CNTLN: variants seen among roughly 807,000 people sequenced by gnomAD.
CNTLN encodes centlein, centrosomal protein.
In CNTLN, 212 loss-of-function variants were observed where a neutral mutation model predicts 180.0. The ratio of observed to expected loss-of-function variants is 1.18; its 90% confidence interval spans 1.05 to 1.32. The LOEUF (loss-of-function observed/expected upper bound fraction) is 1.32. CNTLN is among the 40% of genes most tolerant of loss of function. CNTLN has a pLI of 0.00. For missense variants in CNTLN, 2,095 were observed against 1,610.9 expected, an observed-to-expected ratio of 1.30 and a Z score of -5.14; for synonymous variants, 722 against 563.1, an observed-to-expected ratio of 1.28 and a Z score of -3.99.
chr9:17,505,545 G>A (rs903941172), downstream of CNTLN, among the ~76,000 whole-genome samples: 9 of 151,952 alleles, frequency 5.9e-5, no homozygotes, highest in Non-Finnish European at 8.8e-5. Flanking sequence ...ACAATTTCCC[G>A]AAAAAGAGAA....
intron 2 of CNTLN, among the ~76,000 whole-genome samples, chr9:17,223,580 A>C (rs1297889523): frequency 6.6e-6 from 1 of 152,006 alleles, no homozygotes; most frequent in Admixed American, 6.6e-5. Context: ...TACCTTAAAA[A>C]TATCCAAAAT....
At chr9:17,477,129 T>C (rs1188455780) in intron 23 of CNTLN, among the ~76,000 whole-genome samples, 1 of 152,168 alleles carries the variant, frequency 6.6e-6, no homozygotes, top group East Asian at 1.9e-4. Flanking sequence ...TGACAACACA[T>C]GTATTTACAG....
chr9:17,434,889 C>T (rs901988754), intron 18 of CNTLN, among the ~76,000 whole-genome samples: 5 of 151,790 alleles, frequency 3.3e-5, no homozygotes, highest in African/African-American at 1.2e-4. Flanking sequence ...CTTTTGGCCT[C>T]CATAGTTTCA....
rs961181450 is a variant in CNTLN, at chr9:17,341,478, A to C, written c.1766+530A>C. ...GTGAATGAATTGGCGGTCTCAGTTC[A>C]ATTGCTCTGAACAGGTGTTCAGATC... On this transcript the variant is annotated intron_variant, in intron 11 of 25. Transcript: ENST00000380647. 2.6e-5 allele frequency among the ~76,000 whole-genome samples: 4 copies of C among 152,240 alleles called. No homozygotes were observed. The East Asian group carries it at 7.7e-4, about 29-fold the overall frequency.
chr9:17,440,151 T>G (rs1030438721), intron 18 of CNTLN, among the ~76,000 whole-genome samples: 3 of 152,152 alleles, frequency 2.0e-5, no homozygotes, highest in African/African-American at 7.2e-5. Flanking sequence ...AATTGTAACC[T>G]TCATACAATG....
intron 2 of CNTLN, among the ~76,000 whole-genome samples, chr9:17,186,564 A>G (rs529207106): frequency 1.3e-5 from 2 of 152,284 alleles, no homozygotes; most frequent in African/African-American, 2.4e-5. Context: ...GTTTAATAGT[A>G]GGTGCTCACT....
the CNTLN span, among the ~76,000 whole-genome samples, chr9:17,517,910 CT>C: frequency 1.7e-4 from 26 of 151,914 alleles, no homozygotes; most frequent in African/African-American, 6.3e-4. Flanking sequence ...GAACTCAGGC[CT>C]TCCGACTCTG....
chr9:17,351,698 A>C (rs1359969131), intron 12 of CNTLN, among the ~76,000 whole-genome samples: 1 of 152,174 alleles, frequency 6.6e-6, no homozygotes, highest in Non-Finnish European at 1.5e-5. Flanking sequence ...AGTCAACTAG[A>C]ATAAACTCAT....
At chr9:17,384,188 G>A (rs1825495577) in intron 13 of CNTLN, among the ~76,000 whole-genome samples, 1 of 151,758 alleles carries the variant, frequency 6.6e-6, no homozygotes, top group African/African-American at 2.4e-5. Flanking sequence ...GATTCATCCA[G>A]CGAGCTAATA....
chr9:17,268,355 T>C (rs980886899), intron 5 of CNTLN, among the ~76,000 whole-genome samples: 3 of 152,136 alleles, frequency 2.0e-5, no homozygotes, highest in African/African-American at 7.2e-5. Flanking sequence ...ATAGCGGATA[T>C]TGGTGACCCG....
chr9:17,373,911 A>G (rs955072963), intron 13 of CNTLN, among the ~76,000 whole-genome samples: 2 of 152,210 alleles, frequency 1.3e-5, no homozygotes, highest in South Asian at 4.1e-4. Flanking sequence ...CAAGATATTC[A>G]TATGCGTAAG....
At chr9:17,204,389 T>C (rs941625679) in intron 2 of CNTLN, among the ~76,000 whole-genome samples, 5 of 152,158 alleles carry the variant, frequency 3.3e-5, no homozygotes, top group African/African-American at 1.2e-4. Flanking sequence ...TCTTTTTTGT[T>C]GATGTTGATG....
intron 7 of CNTLN, chr9:17,300,925 A>C: frequency 2.1e-6 from 2 of 958,336 alleles, no homozygotes; most frequent in South Asian, 4.9e-5. Flanking sequence ...ATACCATTTT[A>C]CTTCCTTTAT....
intron 2 of CNTLN, among the ~76,000 whole-genome samples, chr9:17,191,590 A>G (rs1413297674): frequency 1.3e-5 from 2 of 152,214 alleles, no homozygotes; most frequent in African/African-American, 4.8e-5. Context: ...AATCTTTTTG[A>G]TACAGTTTCT....
intron 18 of CNTLN, among the ~76,000 whole-genome samples, chr9:17,418,023 C>G (rs552418487): frequency 7.9e-5 from 12 of 151,954 alleles, no homozygotes; most frequent in Non-Finnish European, 1.8e-4. Flanking sequence ...ACCCTCAATT[C>G]TAGCTATTTC....
chr9:17,253,261 TG>T (rs1438203673), intron 5 of CNTLN, among the ~76,000 whole-genome samples: 1 of 151,854 alleles, frequency 6.6e-6, no homozygotes, highest in Non-Finnish European at 1.5e-5. Context: ...GGCTCTTTTT[TG>T]GTTCCATATC....
At chr9:17,421,609 G>A (rs953331149) in intron 18 of CNTLN, among the ~76,000 whole-genome samples, 8 of 151,980 alleles carry the variant, frequency 5.3e-5, no homozygotes, top group African/African-American at 1.9e-4. Flanking sequence ...CTGCCATTTT[G>A]TTATTTATTT....
intron 18 of CNTLN, among the ~76,000 whole-genome samples, chr9:17,425,865 T>C (rs180871603): frequency 6.6e-6 from 1 of 152,340 alleles, no homozygotes; most frequent in African/African-American, 2.4e-5. Context: ...TTTCTCCTGA[T>C]TGCTTGGTTA....
At position 17,464,516 on chromosome 9, in the gene CNTLN, G is replaced by T; in HGVS notation, c.3424G>T (p.Asp1142Tyr). 1 of 1,529,696 alleles carries T rather than the reference G, an allele frequency of 6.5e-7. No homozygotes were observed. The highest frequency in any genetic ancestry group is 8.7e-7 in the Non-Finnish European group (1 of 1,148,034). 94.8% of individuals were successfully genotyped at this position (1,529,696 alleles called of 1,614,324 possible). A position where few individuals can be genotyped will look rare whatever the true frequency, so the allele number is the denominator to read the frequency against. The change falls in exon 21 of 26, where the codon GAT becomes TAT. Residue 1142 changes from aspartate (D) to tyrosine (Y), a missense_variant. Coordinates refer to ENST00000380647, the MANE Select transcript of CNTLN (RefSeq NM_017738.4). ...TTCAAGGATATCTCGAATGGAGAGGGATATAACTATGAAAAGACATTTGAT... is the reference window on the plus strand; with the variant it reads ...TTCAAGGATATCTCGAATGGAGAGGTATATAACTATGAAAAGACATTTGAT... ...MHEKISRMER[D>Y]ITMKRHLIED...
Sources: allele counts gnomAD v4.1 joint callset (sites outside exome capture counted in the v4.1 genomes callset), GRCh38; gene constraint gnomAD v4.1.1; transcripts MANE v1.5; gene names NCBI Gene and HGNC (gene_info 2026-07-23, HGNC 2026-07-21).